The following COX10 variants were observed in gnomAD, a reference collection of about 807,000 sequenced individuals.
COX10 encodes protoheme IX farnesyltransferase, mitochondrial.
COX10 carries 27 observed loss-of-function variants against 37.3 expected under a neutral mutation model. The observed-to-expected ratio is 0.72, with a 90% CI of 0.53 to 1.00. The LOEUF (loss-of-function observed/expected upper bound fraction) is 1.00, where lower values mean the gene tolerates loss of function less well. Among genes scored for constraint, COX10 ranks in the 50% least tolerant of loss-of-function variants. The pLI is 0.00. For synonymous variants in COX10, 222 were observed against 229.1 expected (o/e 0.97, Z 0.28); for missense variants, 475 against 563.2 (o/e 0.84, Z 1.59).
chr17:14,176,341 G>C (rs1193918371), intron 5 of COX10, among the ~76,000 whole-genome samples: 1 of 152,140 alleles, frequency 6.6e-6, no homozygotes, highest in Non-Finnish European at 1.5e-5. Context: ...CAGCTCCCCT[G>C]TTCAGTCAAA....
rs372357167 is a variant in COX10, at chr17:14,159,957, C to T, written c.695+10C>T. On this transcript the variant is annotated intron_variant, in intron 5 of 6. Transcript: ENST00000261643. ...TTCGTGGACAGATCAGGTAAAATCACGAATACAAGTGTCTTCCACATTATA... is the reference window on the plus strand; with the variant it reads ...TTCGTGGACAGATCAGGTAAAATCATGAATACAAGTGTCTTCCACATTATA... 2.4e-5 allele frequency: 38 copies of T among 1,605,698 alleles called. No homozygotes were observed. The African/African-American group carries it at 2.5e-4, about 11-fold the overall frequency.
rs533317917 is a variant in COX10 at position 14,163,893 on chromosome 17, A to G, written c.695+3946A>G. Among the ~76,000 whole-genome samples the G allele has an allele frequency of 4.0e-5, 6 of 151,562 alleles. No homozygotes were observed. The South Asian group carries it at 8.3e-4, about 21-fold the overall frequency. On this transcript the variant is annotated intron_variant, in intron 5 of 6. Transcript: ENST00000261643. ...ATTGTCAGCTTTGTTTTTACAATTC[A>G]CTCTATGCTATGTATTTCATCTGCA...
In COX10 at chr17:14,084,128, G is replaced by C. The variant is rs930378733; in HGVS notation, c.499+7072G>C. 2.0e-5 allele frequency among the ~76,000 whole-genome samples: 3 copies of C among 152,228 alleles called. No individual in the cohort carries two copies. The East Asian group carries it at 5.8e-4, about 29-fold the overall frequency. On this transcript the variant is annotated intron_variant, in intron 3 of 6. Coordinates refer to ENST00000261643, the MANE Select transcript of COX10 (RefSeq NM_001303.4). ...GATACACGTTCATTTTAGATCACTT[G>C]TATAGTTTAAGAAGTCAACTTACTG...
At chr17:14,179,442 A>G (rs1905788978) in intron 5 of COX10, among the ~76,000 whole-genome samples, 1 of 152,236 alleles carries the variant, frequency 6.6e-6, no homozygotes. Flanking sequence ...GTAATGTACA[A>G]GCACTGTCAG....
At chr17:14,160,481 C>T (rs76575205) in intron 5 of COX10, among the ~76,000 whole-genome samples, 3 of 151,776 alleles carry the variant, frequency 2.0e-5, no homozygotes, top group African/African-American at 7.3e-5. Flanking sequence ...ACCTCTAAAC[C>T]GGCATTTAAA....
intron 4 of COX10, among the ~76,000 whole-genome samples, chr17:14,113,721 A>T (rs1916053858): frequency 6.6e-6 from 1 of 152,150 alleles, no homozygotes; most frequent in African/African-American, 2.4e-5. Flanking sequence ...TCAAAAGGTA[A>T]AGTCACAGAG....
At chr17:14,133,942 T>C (rs1916521418) in intron 4 of COX10, among the ~76,000 whole-genome samples, 1 of 151,670 alleles carries the variant, frequency 6.6e-6, no homozygotes, top group Non-Finnish European at 1.5e-5. Context: ...AAAATTTGTT[T>C]AATATAATAG....
chr17:14,077,086 T>C (rs1915174550), intron 3 of COX10, 30 bp downstream of exon 3: 1 of 1,603,642 alleles, frequency 6.2e-7, no homozygotes, highest in South Asian at 1.1e-5. Flanking sequence ...TACTTACTTA[T>C]TTGAAACTCT....
chr17:14,093,714 C>G (rs1261411600), intron 3 of COX10, among the ~76,000 whole-genome samples: 1 of 152,174 alleles, frequency 6.6e-6, no homozygotes, highest in Non-Finnish European at 1.5e-5. Context: ...TCCAATTCCC[C>G]CTTACAATCT....
chr17:14,194,821 C>T (rs1195687470), intron 6 of COX10, among the ~76,000 whole-genome samples: 1 of 152,186 alleles, frequency 6.6e-6, no homozygotes, highest in Non-Finnish European at 1.5e-5. Context: ...AAGGGCAGCT[C>T]ATCCCTTGTT....
At chr17:14,070,686 C>G (rs1739704059) in intron 1 of COX10, among the ~76,000 whole-genome samples, 1 of 152,264 alleles carries the variant, frequency 6.6e-6, no homozygotes, top group South Asian at 2.1e-4. Flanking sequence ...TCACCTACCA[C>G]ACACAAGCTC....
At chr17:14,090,970 T>C (rs1915515181) in intron 3 of COX10, among the ~76,000 whole-genome samples, 1 of 152,198 alleles carries the variant, frequency 6.6e-6, no homozygotes, top group Non-Finnish European at 1.5e-5. Flanking sequence ...AGAAAAGAAG[T>C]GTAGCGAACT....
At chr17:14,183,655 A>T (rs1299250677) in intron 5 of COX10, among the ~76,000 whole-genome samples, 1 of 152,304 alleles carries the variant, frequency 6.6e-6, no homozygotes, top group Non-Finnish European at 1.5e-5. Flanking sequence ...AAAATTGAAG[A>T]TAAAAATAGT....
At chr17:14,188,185 T>C (rs1323087029) in intron 5 of COX10, among the ~76,000 whole-genome samples, 1 of 116,770 alleles carries the variant, frequency 8.6e-6, no homozygotes, top group Non-Finnish European at 1.8e-5. Flanking sequence ...CCTCCCAAAA[T>C]AAAGCTAGTT....
At chr17:14,085,678 A>G (rs1252034947) in intron 3 of COX10, among the ~76,000 whole-genome samples, 1 of 152,076 alleles carries the variant, frequency 6.6e-6, no homozygotes, top group East Asian at 1.9e-4. Flanking sequence ...CTTATTATAC[A>G]TAGTACTATA....
chr17:14,070,366 T>TATAGAC (rs1914991297), intron 1 of COX10, among the ~76,000 whole-genome samples: 1 of 152,210 alleles, frequency 6.6e-6, no homozygotes, highest in African/African-American at 2.4e-5. Flanking sequence ...TCTATACTTG[T>TATAGAC]TTATTTATAT....
intron 5 of COX10, among the ~76,000 whole-genome samples, chr17:14,187,027 C>G (rs1470823731): frequency 6.6e-6 from 1 of 151,140 alleles, no homozygotes; most frequent in African/African-American, 2.4e-5. Flanking sequence ...TTTAATCTAT[C>G]CTATTGGCAA....
chr17:14,192,363 T>A, intron 6 of COX10, 142 bp downstream of exon 6: 1 of 1,613,506 alleles, frequency 6.2e-7, no homozygotes, highest in South Asian at 1.1e-5. Context: ...CAGACTGAAA[T>A]TTTGTGGACG....
At chr17:14,115,344 CCAGT>C (rs1232171326) in intron 4 of COX10, among the ~76,000 whole-genome samples, 2 of 152,148 alleles carry the variant, frequency 1.3e-5, no homozygotes, top group South Asian at 2.1e-4. Context: ...GTAATAATCA[CCAGT>C]CAGAGTGGCT....
Sources: allele counts gnomAD v4.1 joint callset (sites outside exome capture counted in the v4.1 genomes callset), GRCh38; gene constraint gnomAD v4.1.1; transcripts MANE v1.5; gene names NCBI Gene and HGNC (gene_info 2026-07-23, HGNC 2026-07-21).